Variants in SNCG observed in about 807,000 individuals in gnomAD.
SNCG encodes gamma-synuclein.
A neutral mutation model predicts 16.0 loss-of-function variants in SNCG; 13 were observed. The observed-to-expected ratio is 0.81, with a 90% CI of 0.53 to 1.29. The LOEUF is 1.29. Among genes scored for constraint, SNCG ranks in the 50% most tolerant of loss-of-function variants. The pLI, the probability that SNCG is intolerant of heterozygous loss-of-function variation, is 0.00. For missense variants in SNCG, 154 were observed against 168.5 expected (o/e 0.91, Z 0.48); for synonymous variants, 66 against 66.3 (o/e 1.00, Z 0.02).
At position 86,959,723 on chromosome 10, in the gene SNCG, G is replaced by A. The variant is rs776972065; in HGVS notation, c.163+49G>A. On this transcript the variant is annotated intron_variant, in intron 2 of 4. Transcript: ENST00000372017. The surrounding 1 kb of genome is among the most constrained non-coding windows in gnomAD (Gnocchi z 4.3). ...ACACATGGGGGATAGGACCCCTGGGGCTCCTGCATCCTAGTGCTGGGGCTC... is the reference window on the plus strand; with the variant it reads ...ACACATGGGGGATAGGACCCCTGGGACTCCTGCATCCTAGTGCTGGGGCTC... The A allele has an allele frequency of 6.6e-7, 1 of 1,526,264 alleles. No homozygotes were observed. The highest frequency in any genetic ancestry group is 8.9e-7 in the Non-Finnish European group (1 of 1,123,622). The allele number at this position is 1,526,264 out of a possible 1,614,324, so 94.5% of individuals were successfully genotyped here.
upstream of SNCG, chr10:86,957,583 AG>A (rs1165659997): frequency 6.4e-7 from 1 of 1,555,074 alleles, no homozygotes; most frequent in Non-Finnish European, 8.7e-7. Flanking sequence ...AGCCTTGGCA[AG>A]TAGCTCCAGA....
upstream of SNCG, chr10:86,957,550 T>G (rs1220688816): frequency 3.7e-6 from 6 of 1,602,624 alleles, no homozygotes; most frequent in Non-Finnish European, 5.1e-6. Context: ...ATCTTGGTGG[T>G]GGGGCAGGCT....
rs531987791 is a variant in SNCG, at chr10:86,961,131, G to A, written c.291+1003G>A. On this transcript the variant is annotated intron_variant, in intron 3 of 4. Transcript: ENST00000372017. ...GGCTCTGAGCACTGAGAATCCCTGCGTTAGGAGTGGGTGGGTGGAAGGGTG... is the reference window on the plus strand; with the variant it reads ...GGCTCTGAGCACTGAGAATCCCTGCATTAGGAGTGGGTGGGTGGAAGGGTG... Among the ~76,000 whole-genome samples the A allele has an allele frequency of 4.0e-5, 6 of 151,572 alleles. No individual in the cohort carries two copies. In the East Asian group the frequency reaches 5.9e-4, roughly 15 times the overall value.
chr10:86,959,474 A>C lies in SNCG; in HGVS notation c.122-159A>C. 1 of 658,320 alleles carries C rather than the reference A, an allele frequency of 1.5e-6. No individual in the cohort carries two copies. The allele number at this position is 658,320 out of a possible 1,614,324, so 40.8% of individuals were successfully genotyped here. A position where few individuals can be genotyped will look rare whatever the true frequency, so the allele number is the denominator to read the frequency against. ...TCCCATCCATCCACTTCTTCCAGAC[A>C]CAGCAGGAAGAGGCCCTCTGAAGGG... On this transcript the variant is annotated intron_variant, in intron 1 of 4. Transcript: ENST00000372017. This position sits in a 1 kb window ranked among gnomAD's most constrained non-coding sequence, Gnocchi z 4.3.
intron 1 of SNCG, 123 bp downstream of exon 1, chr10:86,958,941 T>A (rs945383530): frequency 4.6e-5 from 50 of 1,093,948 alleles, no homozygotes; most frequent in Non-Finnish European, 6.3e-5. Flanking sequence ...GCCCTGGCTA[T>A]CAAGGTGGGG....
At chr10:86,962,497 G>A in intron 3 of SNCG, 107 bp from the exon 4 acceptor site, 1 of 719,024 alleles carries the variant, frequency 1.4e-6, no homozygotes. Flanking sequence ...GGCCACGAGG[G>A]GCCTCTGCTC....
At chr10:86,962,472 C>T (rs1397196852) in intron 3 of SNCG, 132 bp from the exon 4 acceptor site, 1 of 621,704 alleles carries the variant, frequency 1.6e-6, no homozygotes, top group African/African-American at 1.8e-5. Context: ...CCTCCAGCCC[C>T]TCCAAGTACA....
intron 3 of SNCG, 126 bp from the exon 4 acceptor site, chr10:86,962,478 G>A (rs1844370487): frequency 1.6e-6 from 1 of 636,198 alleles, no homozygotes; most frequent in African/African-American, 1.8e-5. Context: ...GCCCCTCCAA[G>A]TACAACAAGG....
At chr10:86,957,379 G>A (rs1564736417), upstream of SNCG, 16 of 1,612,836 alleles carry the variant, frequency 9.9e-6, no homozygotes, top group Admixed American at 1.7e-5. Context: ...CCCTCTTACC[G>A]TCCTACGGGG....
chr10:86,960,807 G>A (rs1844335144), intron 3 of SNCG, among the ~76,000 whole-genome samples: 1 of 152,234 alleles, frequency 6.6e-6, no homozygotes, highest in Non-Finnish European at 1.5e-5. Context: ...GGCTGGGTGA[G>A]CTGTCCCAGC....
intron 3 of SNCG, among the ~76,000 whole-genome samples, chr10:86,961,972 G>T (rs1844359329): frequency 6.6e-6 from 1 of 152,218 alleles, no homozygotes; most frequent in African/African-American, 2.4e-5. Context: ...CAAGTGTCTG[G>T]CCGGCATGGA....
intron 3 of SNCG, among the ~76,000 whole-genome samples, chr10:86,961,547 G>A (rs1318953873): frequency 6.6e-6 from 1 of 152,082 alleles, no homozygotes; most frequent in Non-Finnish European, 1.5e-5. Flanking sequence ...AGGGTGCCCG[G>A]GCATTCCTTG....
rs555365976 is a variant in SNCG, at chr10:86,959,018, G to A, written c.121+200G>A. 6.1e-5 allele frequency among the ~76,000 whole-genome samples: 9 copies of A among 148,518 alleles called. No homozygotes were observed. Among genetic ancestry groups the A allele is most frequent in the South Asian group, 2.1e-4 (1 of 4,802 alleles). On this transcript the variant is annotated intron_variant, in intron 1 of 4. Coordinates refer to ENST00000372017, the MANE Select transcript of SNCG (RefSeq NM_003087.3). This position sits in a 1 kb window ranked among gnomAD's most constrained non-coding sequence, Gnocchi z 4.3. ...ATGTGTGTTTGTCTTTGGCCTCCTC[G>A]GGGCCTCTGGGTGTCAGAGACCGCA...
At chr10:86,957,389 G>A (rs1189703761), upstream of SNCG, 5 of 1,613,122 alleles carry the variant, frequency 3.1e-6, no homozygotes, top group East Asian at 4.5e-5. Context: ...GTCCTACGGG[G>A]TCCTTGCCGG....
In SNCG at chr10:86,959,682, GC is replaced by G. The variant is rs754707671; in HGVS notation, c.163+12del. 3.1e-6 allele frequency: 5 copies of G among 1,605,226 alleles called. No individual in the cohort carries two copies. In the African/African-American group the frequency reaches 4.0e-5, roughly 13 times the overall value. ...TACAGAGCGTGACCTCAGGTGAGAA[GC>G]CCCAGGGCCAGGGGACACATGGGGG... On this transcript the variant is annotated intron_variant, in intron 2 of 4. Transcript: ENST00000372017. This position sits in a 1 kb window ranked among gnomAD's most constrained non-coding sequence, Gnocchi z 4.3.
At chr10:86,960,187 C>A in intron 3 of SNCG, 59 bp downstream of exon 3, 1 of 1,529,286 alleles carries the variant, frequency 6.5e-7, no homozygotes, top group Non-Finnish European at 8.9e-7. Context: ...GGCTGCTGGG[C>A]GGAGGCGGCA....
Position 86,962,625 on chromosome 10 carries a change from C to G in SNCG, c.313C>G (p.Pro105Ala), listed in dbSNP as rs764539293. Reference protein sequence around the residue: ...VRKEDLRPSAPQQEGEASKEK... With the variant: ...VRKEDLRPSAAQQEGEASKEK... ...ACAGGAGGACTTGAGGCCATCTGCC[C>G]CCCAACAGGAGGGTGAGGCATCCAA... Residue 105 changes from proline to alanine, a missense_variant, in exon 4 of 5, where the codon CCC (proline) becomes GCC (alanine). By Grantham distance (27) the Pro-to-Ala change is conservative (BLOSUM62 -1). Coordinates refer to ENST00000372017, the MANE Select transcript of SNCG (RefSeq NM_003087.3). 1.2e-6 allele frequency: 2 copies of G among 1,612,696 alleles called. No individual in the cohort carries two copies. The highest frequency in any genetic ancestry group is 2.2e-5 in the South Asian group (2 of 90,706).
At chr10:86,961,250 G>T (rs901237485) in intron 3 of SNCG, among the ~76,000 whole-genome samples, 2 of 152,092 alleles carry the variant, frequency 1.3e-5, no homozygotes, top group Non-Finnish European at 2.9e-5. Context: ...GCTGGCAGCC[G>T]CTCCCTCTCC....
chr10:86,956,947 T>C (rs1367257960), upstream of SNCG, among the ~76,000 whole-genome samples: 4 of 152,220 alleles, frequency 2.6e-5, no homozygotes, highest in South Asian at 4.1e-4. Flanking sequence ...CTCTGCTCAC[T>C]GCTGGGCAGT....
Sources: gnomAD v4.1 joint callset for allele counts (sites outside exome capture counted in the v4.1 genomes callset) on GRCh38, gnomAD v4.1.1 for gene constraint, Gnocchi (gnomAD v3.1) non-coding constraint, MANE v1.5 for transcripts, NCBI Gene and HGNC (gene_info 2026-07-23, HGNC 2026-07-21) for gene names.